GLMN: variants seen among roughly 807,000 people sequenced by gnomAD.
The protein encoded by GLMN is glomulin, FKBP associated protein.
A neutral mutation model predicts 87.8 loss-of-function variants in GLMN; 75 were observed. The ratio of observed to expected loss-of-function variants is 0.85; its 90% CI spans 0.71 to 1.04. The LOEUF (loss-of-function observed/expected upper bound fraction) is 1.04, where lower values mean the gene tolerates loss of function less well. GLMN is among the 50% of genes least tolerant of loss of function. The pLI is 0.00. For missense variants in GLMN, 588 were observed against 658.8 expected (o/e 0.89, Z 1.18); for synonymous variants, 206 against 221.6 (o/e 0.93, Z 0.63).
the GLMN span, among the ~76,000 whole-genome samples, chr1:92,340,266 A>G: frequency 6.6e-6 from 1 of 152,234 alleles, no homozygotes; most frequent in Non-Finnish European, 1.5e-5. Flanking sequence ...TCAGTTGCTT[A>G]GAATACAGAA....
chr1:92,307,126 C>A, the GLMN span: 3 of 1,099,498 alleles, frequency 2.7e-6, no homozygotes, highest in South Asian at 2.8e-5. Flanking sequence ...TTTATACTCT[C>A]AACTGTATGT....
Position 92,267,965 on chromosome 1 carries a change from T to C in GLMN, c.1046A>G (p.Asn349Ser), listed in dbSNP as rs1215597380. The C allele has an allele frequency of 6.4e-7, 1 of 1,563,514 alleles. No individual in the cohort carries two copies. The highest frequency in any genetic ancestry group is 1.7e-5 in the Admixed American group (1 of 59,934). Residue 349 changes from asparagine to serine, a missense_variant, in exon 11 of 19, where the codon AAT (asparagine) becomes AGT (serine). Coordinates refer to ENST00000370360, the MANE Select transcript of GLMN (RefSeq NM_053274.3). ...TTCTAAGTACTGGTAAAGTAGACTATTGTCTTCTATTCTCAATAAACTATT... is the reference window on the plus strand; with the variant it reads ...TTCTAAGTACTGGTAAAGTAGACTACTGTCTTCTATTCTCAATAAACTATT... ...LENSLLRIED[N>S]SLLYQYLEIK... is the part of the protein sequence containing the mutation.
At chr1:92,317,710 A>T in the GLMN span, among the ~76,000 whole-genome samples, 1 of 152,170 alleles carries the variant, frequency 6.6e-6, no homozygotes, top group Non-Finnish European at 1.5e-5. Context: ...ACCACAATTT[A>T]AAAAATCCAC....
At chr1:92,360,318 C>T in the GLMN span, among the ~76,000 whole-genome samples, 1 of 152,152 alleles carries the variant, frequency 6.6e-6, no homozygotes, top group African/African-American at 2.4e-5. Context: ...TTCAAGAAAG[C>T]AGTTTCTACA....
intron 7 of GLMN, among the ~76,000 whole-genome samples, chr1:92,276,058 C>T (rs1250198179): frequency 2.0e-5 from 3 of 152,006 alleles, no homozygotes; most frequent in South Asian, 4.2e-4. Flanking sequence ...TTCACCTTTA[C>T]AAAACAAAAA....
intron 16 of GLMN, among the ~76,000 whole-genome samples, chr1:92,259,811 T>C (rs1462722699): frequency 7.1e-6 from 1 of 141,844 alleles, no homozygotes; most frequent in Non-Finnish European, 1.5e-5. Context: ...CTCGGCTCAC[T>C]GCAAGCTCCG....
intron 7 of GLMN, 62 bp from the exon 8 acceptor site, chr1:92,271,714 G>A (rs1054510829): frequency 2.7e-6 from 3 of 1,094,298 alleles, no homozygotes; most frequent in Non-Finnish European, 4.2e-6. Context: ...CCCACCCCGT[G>A]TATTCAAACT....
At chr1:92,367,985 C>T in the GLMN span, among the ~76,000 whole-genome samples, 1 of 152,254 alleles carries the variant, frequency 6.6e-6, no homozygotes, top group East Asian at 1.9e-4. Context: ...TAGGAAGGTG[C>T]CTGATGTGAT....
chr1:92,325,726 T>A, the GLMN span, among the ~76,000 whole-genome samples: 15 of 152,022 alleles, frequency 9.9e-5, no homozygotes, highest in Non-Finnish European at 1.9e-4. Flanking sequence ...CCCATATATA[T>A]CCCCTCCTAA....
At chr1:92,270,725 G>A (rs1182443300) in intron 8 of GLMN, among the ~76,000 whole-genome samples, 2 of 152,136 alleles carry the variant, frequency 1.3e-5, no homozygotes, top group African/African-American at 4.8e-5. Context: ...AAGAAGACAA[G>A]GTCAAGGTAA....
chr1:92,272,807 A>G (rs938736268), intron 7 of GLMN, among the ~76,000 whole-genome samples: 6 of 152,216 alleles, frequency 3.9e-5, no homozygotes, highest in African/African-American at 1.4e-4. Context: ...GATCACTCCT[A>G]TGCCTCTTAT....
At chr1:92,294,084 A>C (rs1649750185) in intron 3 of GLMN, among the ~76,000 whole-genome samples, 3 of 152,126 alleles carry the variant, frequency 2.0e-5, no homozygotes, top group Non-Finnish European at 1.5e-5. Flanking sequence ...CTAATTGTAC[A>C]TTTTAAAGTA....
At chr1:92,326,375 A>G in the GLMN span, among the ~76,000 whole-genome samples, 1 of 152,180 alleles carries the variant, frequency 6.6e-6, no homozygotes, top group Non-Finnish European at 1.5e-5. Context: ...CAGGGGGGTG[A>G]AATGGATTCT....
the GLMN span, among the ~76,000 whole-genome samples, chr1:92,354,188 T>G: frequency 6.6e-5 from 10 of 152,286 alleles, no homozygotes; most frequent in Admixed American, 5.9e-4. Flanking sequence ...ACATCCTGAT[T>G]GAGCTCCCTG....
chr1:92,307,358 G>A, the GLMN span: 1 of 913,190 alleles, frequency 1.1e-6, no homozygotes, highest in Non-Finnish European at 1.6e-6. Context: ...CTGAGAGTAA[G>A]TCTAGTTTTC....
the GLMN span, among the ~76,000 whole-genome samples, chr1:92,342,220 T>C: frequency 6.6e-6 from 1 of 152,168 alleles, no homozygotes; most frequent in African/African-American, 2.4e-5. Flanking sequence ...GAGAAGACAC[T>C]GTTTGTGTAA....
chr1:92,358,270 C>T, the GLMN span, among the ~76,000 whole-genome samples: 4 of 152,098 alleles, frequency 2.6e-5, no homozygotes, highest in South Asian at 4.1e-4. Context: ...TCTCCCATTC[C>T]GGTCACTCTG....
chr1:92,265,525 C>T lies in GLMN; in HGVS notation c.1215-887G>A, dbSNP rs114784582. On this transcript the variant is annotated intron_variant, in intron 13 of 18. Transcript: ENST00000370360. ...GCATGATGGCTCATGCGTGTCATCT[C>T]AACACTTTGGGAGGCTGAGGTGGGT... Among the ~76,000 whole-genome samples, 440 of 152,200 alleles carry T rather than the reference C, an allele frequency of 2.9e-3. 1 individual carries two copies. Among genetic ancestry groups the T allele is most frequent in the African/African-American group, 1.0e-2 (415 of 41,522 alleles).
At chr1:92,368,500 A>G in the GLMN span, among the ~76,000 whole-genome samples, 1 of 152,230 alleles carries the variant, frequency 6.6e-6, no homozygotes, top group Admixed American at 6.5e-5. Flanking sequence ...CTCTTTATAT[A>G]TATTTTTCTG....
Sources: allele counts gnomAD v4.1 joint callset (sites outside exome capture counted in the v4.1 genomes callset), GRCh38; gene constraint gnomAD v4.1.1; transcripts MANE v1.5; gene names NCBI Gene and HGNC (gene_info 2026-07-23, HGNC 2026-07-21).